Variants in ABCA12 observed in about 807,000 individuals in gnomAD.
ABCA12 encodes glucosylceramide transporter ABCA12.
In ABCA12, 156 loss-of-function variants were observed where a neutral mutation model predicts 293.5. The ratio of observed to expected loss-of-function variants is 0.53; its 90% CI spans 0.47 to 0.61. ABCA12 has a LOEUF of 0.61. Among genes scored for constraint, ABCA12 ranks in the 20% least tolerant of loss-of-function variants. The pLI is 0.00. For missense variants in ABCA12, 2,797 were observed against 3,090.2 expected (o/e 0.91, Z 2.25); for synonymous variants, 1,063 against 1,108.0 (o/e 0.96, Z 0.81).
intron 37 of ABCA12, 103 bp downstream of exon 37, chr2:214,970,170 T>C (rs1699354627): frequency 1.7e-6 from 2 of 1,168,776 alleles, no homozygotes; most frequent in South Asian, 1.7e-5. Flanking sequence ...AATTTAACCA[T>C]GTAAAATGTA....
At chr2:214,980,679 C>T (rs1323352167) in intron 30 of ABCA12, 36 bp from the exon 31 acceptor site, 11 of 1,613,176 alleles carry the variant, frequency 6.8e-6, no homozygotes, top group East Asian at 2.2e-5. Context: ...GGGAATGAAA[C>T]GTGAAAGTAC....
At position 215,000,762 on chromosome 2, in the gene ABCA12, G is replaced by A; in HGVS notation, c.3122C>T (p.Ser1041Phe). 1.2e-6 allele frequency: 2 copies of A among 1,614,062 alleles called. No homozygotes were observed. The highest frequency in any genetic ancestry group is 1.7e-6 in the Non-Finnish European group (2 of 1,179,962). The change falls in exon 22 of 53, where the codon TCC becomes TTC. Residue 1041 changes from serine (S) to phenylalanine (F), a missense_variant. Ser to Phe is a radical substitution (Grantham distance 155). Coordinates refer to ENST00000272895, the MANE Select transcript of ABCA12 (RefSeq NM_173076.3). Reference sequence around the variant, plus strand: ...TTGAACCTGGACTGCTATTTCCTGGGAGTTCCTTCCAGTTTGCAATTCAAT... The same window carrying A: ...TTGAACCTGGACTGCTATTTCCTGGAAGTTCCTTCCAGTTTGCAATTCAAT... ...AIIELQTGRN[S>F]QEIAVQVQAI...
At chr2:215,052,673 ACC>A (rs1701344140) in intron 4 of ABCA12, 89 bp from the exon 5 acceptor site, 5 of 1,068,890 alleles carry the variant, frequency 4.7e-6, no homozygotes, top group Non-Finnish European at 7.2e-6. Context: ...ATCACTTGTG[ACC>A]TCATATACCC....
At position 214,978,915 on chromosome 2, in the gene ABCA12, T is replaced by A; in HGVS notation, c.4866A>T (p.Pro1622=). Residue 1622 remains proline (P), a synonymous_variant, in exon 32 of 53, where the codon CCA becomes CCT. Transcript: ENST00000272895. The stretch of plus-strand genomic sequence containing the variant: ...AGGCCCCTGAGACTTTGGTGCTGAA[T>A]GGAGGAAGTACATAAACAAGCTCTC... The part of the protein sequence containing the change: ...IGGELVYVLP[P]FSTKVSGAYL... 1 of 1,614,038 alleles carries A rather than the reference T, an allele frequency of 6.2e-7. No homozygotes were observed. The highest frequency in any genetic ancestry group is 8.5e-7 in the Non-Finnish European group (1 of 1,179,980).
At position 215,138,382 on chromosome 2, in the gene ABCA12, C is replaced by T; in HGVS notation, c.-174G>A. On this transcript the variant is annotated 5_prime_UTR_variant, in exon 1 of 53. Transcript: ENST00000272895. Reference sequence around the variant, plus strand: ...GTTCTTCTGTTTCTGCTGGATTTTTCCCTGTGGTTAATCCTTAACCAAGAG... The same window carrying T: ...GTTCTTCTGTTTCTGCTGGATTTTTTCCTGTGGTTAATCCTTAACCAAGAG... The T allele has an allele frequency of 1.4e-6, 1 of 702,888 alleles. No individual in the cohort carries two copies. The highest frequency in any genetic ancestry group is 2.5e-4 in the Middle Eastern group (1 of 4,000). The allele number at this position is 702,888 out of a possible 1,614,324, so 43.5% of individuals were successfully genotyped here. A position where few individuals can be genotyped will look rare whatever the true frequency, so the allele number is the denominator to read the frequency against.
At chr2:215,000,092 C>G (rs990866124) in intron 22 of ABCA12, among the ~76,000 whole-genome samples, 1 of 152,140 alleles carries the variant, frequency 6.6e-6, no homozygotes, top group Non-Finnish European at 1.5e-5. Context: ...GCAGATTTCT[C>G]GAACATTCAA....
Position 214,953,901 on chromosome 2 carries a change from A to T in ABCA12, c.6600T>A (p.Phe2200Leu). The change falls in exon 44 of 53, where the codon TTT (phenylalanine) becomes TTA (leucine). Residue 2200 changes from phenylalanine to leucine, a missense_variant. Transcript: ENST00000272895. ...FVALVSQGTMFFSLRLLINES... is the reference protein window; with the variant it reads ...FVALVSQGTMLFSLRLLINES... The stretch of plus-strand genomic sequence containing the variant: ...CGTTGATTAAGAGTCGCAAGGAAAA[A>T]AACATGGTGCCCTGAGAAACCAAAG... The T allele has an allele frequency of 1.2e-6, 2 of 1,614,032 alleles. No individual in the cohort carries two copies. Among genetic ancestry groups the T allele is most frequent in the South Asian group, 1.1e-5 (1 of 91,074 alleles).
chr2:214,979,391 A>C (rs1187783936), intron 31 of ABCA12, among the ~76,000 whole-genome samples: 1 of 151,780 alleles, frequency 6.6e-6, no homozygotes, highest in African/African-American at 2.4e-5. Flanking sequence ...CCATTCTCTC[A>C]CCACCTCCAA....
intron 2 of ABCA12, among the ~76,000 whole-genome samples, chr2:215,080,063 C>A (rs1473842168): frequency 6.6e-6 from 1 of 152,098 alleles, no homozygotes; most frequent in Non-Finnish European, 1.5e-5. Context: ...TAGAGGAATC[C>A]CACATGTAAT....
At chr2:215,116,565 T>A (rs1262665687) in intron 1 of ABCA12, among the ~76,000 whole-genome samples, 1 of 152,176 alleles carries the variant, frequency 6.6e-6, no homozygotes, top group Admixed American at 6.5e-5. Flanking sequence ...CATTAAAATA[T>A]ATTTGAAAAT....
chr2:215,134,373 T>TGTATATGTACATATATAC (rs1703140355), intron 1 of ABCA12, among the ~76,000 whole-genome samples: 1 of 139,386 alleles, frequency 7.2e-6, no homozygotes, highest in African/African-American at 2.7e-5. Flanking sequence ...TGTGTATATA[T>TGTATATGTACATATATAC]GTATATATGT....
intron 4 of ABCA12, among the ~76,000 whole-genome samples, chr2:215,053,503 G>C (rs1376760470): frequency 2.0e-5 from 3 of 152,016 alleles, no homozygotes; most frequent in Admixed American, 2.0e-4. Context: ...AAGCTTACTG[G>C]ACCATAACAT....
At chr2:215,091,061 G>A (rs1278574576) in intron 2 of ABCA12, among the ~76,000 whole-genome samples, 2 of 151,992 alleles carry the variant, frequency 1.3e-5, no homozygotes, top group African/African-American at 4.8e-5. Context: ...GGTGCCTGAC[G>A]TCCAGGCATT....
rs140701674 is a variant in ABCA12 at position 215,077,673 on chromosome 2, T to C, written c.164-13454A>G. On this transcript the variant is annotated intron_variant, in intron 2 of 52. Coordinates refer to ENST00000272895, the MANE Select transcript of ABCA12 (RefSeq NM_173076.3). ...GAGTTTCTCATAATCCTTCAAACTT[T>C]TGGTTGTTGGCAAACATGTGCCATT... Among the ~76,000 whole-genome samples the C allele has an allele frequency of 1.8e-3, 280 of 152,332 alleles. 1 individual carries two copies. The highest frequency in any genetic ancestry group is 6.2e-3 in the African/African-American group (259 of 41,582).
chr2:215,076,934 A>T (rs1418855290), intron 2 of ABCA12, among the ~76,000 whole-genome samples: 2 of 152,174 alleles, frequency 1.3e-5, no homozygotes, highest in East Asian at 3.9e-4. Context: ...AAATAATACT[A>T]TGTGATGTAG....
chr2:215,071,081 C>A (rs2106082280), intron 2 of ABCA12, among the ~76,000 whole-genome samples: 1 of 151,906 alleles, frequency 6.6e-6, no homozygotes, highest in East Asian at 1.9e-4. Flanking sequence ...CCTGCAGTCC[C>A]ACCTACTCCA....
At position 214,999,844 on chromosome 2, in the gene ABCA12, C is replaced by G. The variant is rs543132744; in HGVS notation, c.3179+861G>C. The G allele has an allele frequency of 5.1e-6, 5 of 984,148 alleles. No homozygotes were observed. In the South Asian group the frequency reaches 1.9e-4, roughly 37 times the overall value. 61.0% of individuals were successfully genotyped at this position (984,148 alleles called of 1,614,324 possible). A position where few individuals can be genotyped will look rare whatever the true frequency, so the allele number is the denominator to read the frequency against. Reference sequence around the variant, plus strand: ...ACATTACCTCATCTCATTTATAACTCTTGAAGTAGCCAAGGGAGACAGAAG... The same window carrying G: ...ACATTACCTCATCTCATTTATAACTGTTGAAGTAGCCAAGGGAGACAGAAG... On this transcript the variant is annotated intron_variant, in intron 22 of 52. Coordinates refer to ENST00000272895, the MANE Select transcript of ABCA12 (RefSeq NM_173076.3).
At chr2:215,038,744 A>T (rs192550733) in intron 7 of ABCA12, among the ~76,000 whole-genome samples, 1 of 152,356 alleles carries the variant, frequency 6.6e-6, no homozygotes, top group East Asian at 1.9e-4. Context: ...GTCCCAAAGT[A>T]ACATCTTCAA....
At chr2:215,081,819 T>C (rs1472983195) in intron 2 of ABCA12, among the ~76,000 whole-genome samples, 2 of 152,088 alleles carry the variant, frequency 1.3e-5, no homozygotes, top group African/African-American at 4.8e-5. Flanking sequence ...GAAGACAAGA[T>C]TGACAATGAA....
Sources: gnomAD v4.1 joint callset for allele counts (sites outside exome capture counted in the v4.1 genomes callset) on GRCh38, gnomAD v4.1.1 for gene constraint, MANE v1.5 for transcripts, NCBI Gene and HGNC (gene_info 2026-07-23, HGNC 2026-07-21) for gene names.